VPS9D1: variants seen among roughly 807,000 people sequenced by gnomAD.
VPS9D1 encodes VPS9 domain containing 1.
In VPS9D1, 78 loss-of-function variants were observed where a neutral mutation model predicts 75.8. That is an observed-to-expected ratio of 1.03 (90% CI 0.86 to 1.24). The LOEUF (loss-of-function observed/expected upper bound fraction) is 1.24. Ranked by LOEUF, VPS9D1 falls within the 50% of genes most tolerant of loss-of-function variation. The pLI, the probability that VPS9D1 is intolerant of heterozygous loss-of-function variation, is 0.00. For missense variants in VPS9D1, 1,057 were observed against 847.7 expected, an observed-to-expected ratio of 1.25 and a Z score of -3.07; for synonymous variants, 481 against 385.6, an observed-to-expected ratio of 1.25 and a Z score of -2.90.
At position 89,712,524 on chromosome 16, in the gene VPS9D1, T is replaced by G. The variant is rs2060957394; in HGVS notation, c.544-2A>C. On this transcript the variant is annotated splice_acceptor_variant, in intron 5 of 14. Transcript: ENST00000389386. LOFTEE classifies it high-confidence loss of function. ...CATCTGCCGCTGTAGAGAGAGGGTC[T>G]GGGGGGGGAGGAGGGAGTAAGGCCG... 6.2e-7 allele frequency: 1 copy of G among 1,611,256 alleles called. No homozygotes were observed. Among genetic ancestry groups the G allele is most frequent in the Non-Finnish European group, 8.5e-7 (1 of 1,179,374 alleles).
chr16:89,711,007 G>A lies in VPS9D1; in HGVS notation c.837C>T (p.Leu279=), dbSNP rs372851965. The change falls in exon 10 of 15, where the codon CTC becomes CTT. Residue 279 remains leucine, a synonymous_variant. Coordinates refer to ENST00000389386, the MANE Select transcript of VPS9D1 (RefSeq NM_004913.3). ...GGAGCTGCGCGATCGGGTGGTCGGG[G>A]AGGCTGCGGGAGAAGAGGACGTGAG... ...VTSLVSHLLS[L]PDHPIAQLLR... is the part of the protein sequence containing the mutation. 7.0e-6 allele frequency: 10 copies of A among 1,437,842 alleles called. No individual in the cohort carries two copies. The East Asian group carries it at 1.3e-4, about 18-fold the overall frequency. 89.1% of individuals were successfully genotyped at this position (1,437,842 alleles called of 1,614,324 possible). A position where few individuals can be genotyped will look rare whatever the true frequency, so the allele number is the denominator to read the frequency against.
At chr16:89,718,312 C>T (rs901992477) in intron 2 of VPS9D1, 2 of 346,070 alleles carry the variant, frequency 5.8e-6, no homozygotes, top group African/African-American at 4.3e-5. Flanking sequence ...CCTGAGGCTC[C>T]ACTCCCAGGC....
At chr16:89,713,477 A>G (rs2060988994) in intron 4 of VPS9D1, among the ~76,000 whole-genome samples, 1 of 151,330 alleles carries the variant, frequency 6.6e-6, no homozygotes, top group African/African-American at 2.4e-5. Flanking sequence ...GATGGTCTTG[A>G]TCTCCTGACC....
intron 10 of VPS9D1, among the ~76,000 whole-genome samples, chr16:89,710,236 T>TG (rs2060884306): frequency 6.6e-6 from 1 of 152,198 alleles, no homozygotes; most frequent in Admixed American, 6.5e-5. Flanking sequence ...TTCCTTAGTG[T>TG]GTGGGCAGCA....
chr16:89,711,302 C>G (rs1343890926), intron 9 of VPS9D1, 25 bp downstream of exon 9: 17 of 1,591,534 alleles, frequency 1.1e-5, no homozygotes, highest in Non-Finnish European at 1.5e-5. Context: ...CGCAGGGGCT[C>G]TGTGGGGCCT....
intron 12 of VPS9D1, 64 bp from the exon 13 acceptor site, chr16:89,709,020 A>ACTCCCCC: frequency 7.8e-7 from 1 of 1,277,898 alleles, no homozygotes; most frequent in Non-Finnish European, 1.0e-6. Context: ...CACCCCTTAT[A>ACTCCCCC]CCCCGCCCAC....
At chr16:89,708,331 C>T in intron 14 of VPS9D1, 96 bp downstream of exon 14, 2 of 1,233,160 alleles carry the variant, frequency 1.6e-6, no homozygotes, top group Middle Eastern at 1.9e-4. Context: ...CCACACGCTA[C>T]CCTCCCCAGC....
At chr16:89,713,682 T>C (rs12149952) in intron 4 of VPS9D1, among the ~76,000 whole-genome samples, 92,822 of 151,892 alleles carry the variant, frequency 0.61, 28,686 homozygotes, top group South Asian at 0.76. Flanking sequence ...TGACTTCGAA[T>C]GTGGCCCAAC....
At position 89,711,453 on chromosome 16, in the gene VPS9D1, G is replaced by T. The variant is rs754260651; in HGVS notation, c.748-41C>A. 1.1e-5 allele frequency: 17 copies of T among 1,548,564 alleles called. No individual in the cohort carries two copies. In the African/African-American group the frequency reaches 2.3e-4, roughly 21 times the overall value. On this transcript the variant is annotated intron_variant, in intron 8 of 14. Coordinates refer to ENST00000389386, the MANE Select transcript of VPS9D1 (RefSeq NM_004913.3). Reference sequence around the variant, plus strand: ...CCTTGAAGGAAAGCACGGTGGGTCCGCCACGACCGGACGCGCCTCATCTCC... The same window carrying T: ...CCTTGAAGGAAAGCACGGTGGGTCCTCCACGACCGGACGCGCCTCATCTCC...
chr16:89,708,068 C>G, intron 14 of VPS9D1, 114 bp from the exon 15 acceptor site: 1 of 1,036,980 alleles, frequency 9.6e-7, no homozygotes, highest in East Asian at 2.6e-5. Flanking sequence ...TGAGGGTGGG[C>G]AGGTGGGGCT....
Position 89,710,927 on chromosome 16 carries a change from G to A in VPS9D1, c.917C>T (p.Ala306Val), listed in dbSNP as rs758660693. Residue 306 changes from alanine (A) to valine (V), a missense_variant, in exon 10 of 15, where the codon GCA becomes GTA. By Grantham distance (64) the Ala-to-Val change is moderately conservative (BLOSUM62 0). Transcript: ENST00000389386. The part of the protein sequence containing the change: ...YSALYPAVSR[A>V]AAPAPGCCPP... ...GCAGCAGCCTGGGGCTGGCGCGGCT[G>A]CTCTGCTCACGGCGGGATACAGGGC... The A allele has an allele frequency of 5.4e-6, 8 of 1,485,922 alleles. No homozygotes were observed. Among genetic ancestry groups the A allele is most frequent in the Non-Finnish European group, 7.1e-6 (8 of 1,123,510 alleles). 92.0% of individuals were successfully genotyped at this position (1,485,922 alleles called of 1,614,324 possible). A position where few individuals can be genotyped will look rare whatever the true frequency, so the allele number is the denominator to read the frequency against.
Position 89,719,067 on chromosome 16 carries a change from A to G in VPS9D1, c.135T>C (p.Tyr45=). 1.2e-6 allele frequency: 2 copies of G among 1,613,592 alleles called. No homozygotes were observed. Among genetic ancestry groups the G allele is most frequent in the Non-Finnish European group, 1.7e-6 (2 of 1,179,838 alleles). The change falls in exon 2 of 15, where the codon TAT becomes TAC. Residue 45 remains tyrosine (Y), a synonymous_variant. Coordinates refer to ENST00000389386, the MANE Select transcript of VPS9D1 (RefSeq NM_004913.3). ...CTTCTTCTAGTAACACCTGGGAGAT[A>G]TAGTGGATGCTCCTCAGGTATTCCG... is the stretch of plus-strand genomic sequence containing the variant. ...AYTEYLRSIH[Y]ISQVLLEEVE...
intron 4 of VPS9D1, among the ~76,000 whole-genome samples, chr16:89,714,623 C>T (rs1187558601): frequency 6.6e-6 from 1 of 152,244 alleles, no homozygotes; most frequent in African/African-American, 2.4e-5. Flanking sequence ...GGACCCTTCT[C>T]GTCTCTCCCA....
intron 10 of VPS9D1, 72 bp from the exon 11 acceptor site, chr16:89,709,978 G>A: frequency 1.3e-6 from 2 of 1,520,950 alleles, no homozygotes; most frequent in Non-Finnish European, 8.8e-7. Flanking sequence ...TAAGCCACGG[G>A]GCCTTTCTCC....
Position 89,712,723 on chromosome 16 carries a change from A to G in VPS9D1, c.432-7T>C. 2 of 1,580,658 alleles carry G rather than the reference A, an allele frequency of 1.3e-6. No individual in the cohort carries two copies. Among genetic ancestry groups the G allele is most frequent in the Non-Finnish European group, 1.7e-6 (2 of 1,164,542 alleles). ...CTCCAGTGGCGTCAGCTCTCTGGAA[A>G]TGTGACAAGCTGCTGTCTAGACCCC... is the stretch of plus-strand genomic sequence containing the variant. On this transcript the variant is annotated splice_region_variant and splice_polypyrimidine_tract_variant and intron_variant, in intron 4 of 14. Transcript: ENST00000389386.
In VPS9D1 at chr16:89,707,939, C is replaced by T; in HGVS notation, c.1818G>A (p.Glu606=). ...GCAGTGATGTGAGGCAGTAGCCCTC[C>T]TCTCCGATCAGGTACCTGCATGGAT... ...EFIHEGYLIG[E]EGYCLTSLQS... The change falls in exon 15 of 15, where the codon GAG becomes GAA. Residue 606 remains glutamate, a synonymous_variant. Transcript: ENST00000389386. 6.2e-7 allele frequency: 1 copy of T among 1,613,014 alleles called. No individual in the cohort carries two copies. The highest frequency in any genetic ancestry group is 8.5e-7 in the Non-Finnish European group (1 of 1,179,948).
rs546833224 is a variant in VPS9D1 at position 89,708,877 on chromosome 16, C to A, written c.1677G>T (p.Pro559=). Residue 559 remains proline (P), a synonymous_variant, in exon 13 of 15, where the codon CCG becomes CCT. Coordinates refer to ENST00000389386, the MANE Select transcript of VPS9D1 (RefSeq NM_004913.3). ...CTCACATGGCAGCTGCAGCGATGGG[C>A]GGGGGCCCGGCCTGGGGTGTGGCCT... ...TPEATPQAGP[P]PIAAAAIGAD... 3.6e-5 allele frequency: 57 copies of A among 1,584,376 alleles called. 1 individual carries two copies. In the Admixed American group the frequency reaches 7.9e-4, roughly 22 times the overall value.
chr16:89,709,587 T>G (rs1277534491), intron 11 of VPS9D1, 152 bp from the exon 12 acceptor site: 3 of 1,261,252 alleles, frequency 2.4e-6, no homozygotes, highest in Non-Finnish European at 3.2e-6. Flanking sequence ...CACGGGAGAG[T>G]GGCAATAATC....
chr16:89,712,215 G>A, intron 6 of VPS9D1, 116 bp from the exon 7 acceptor site: 1 of 1,464,368 alleles, frequency 6.8e-7, no homozygotes, highest in Non-Finnish European at 9.3e-7. Flanking sequence ...GTGAGGGGCT[G>A]TCCCCAGGTA....
Sources: gnomAD v4.1 joint callset for allele counts (sites outside exome capture counted in the v4.1 genomes callset) on GRCh38, gnomAD v4.1.1 for gene constraint, MANE v1.5 for transcripts, NCBI Gene and HGNC (gene_info 2026-07-23, HGNC 2026-07-21) for gene names.